IL15: variants seen among roughly 807,000 people sequenced by gnomAD.
The protein encoded by IL15 is interleukin-15.
Under a neutral mutation model 19.6 loss-of-function variants are expected in IL15, and 11 were observed. The observed-to-expected ratio is 0.56, with a 90% CI of 0.35 to 0.93. The LOEUF is 0.93. Ranked by LOEUF, IL15 falls within the 40% of genes least tolerant of loss-of-function variation. The probability of loss-of-function intolerance (pLI) is 0.01; values close to 1 mark genes in which losing one functional copy is unlikely to be tolerated. For missense variants in IL15, 197 were observed against 186.5 expected (o/e 1.06, Z -0.33); for synonymous variants, 58 against 59.6 (o/e 0.97, Z 0.12).
At chr4:141,693,561 A>T (rs1390046697) in intron 2 of IL15, among the ~76,000 whole-genome samples, 2 of 152,202 alleles carry the variant, frequency 1.3e-5, no homozygotes, top group Admixed American at 1.3e-4. Context: ...TTGGTATATT[A>T]TCAATTTTTC....
chr4:141,696,209 T>C (rs1322906194), intron 2 of IL15, among the ~76,000 whole-genome samples: 1 of 152,130 alleles, frequency 6.6e-6, no homozygotes, highest in East Asian at 1.9e-4. Context: ...ACCCAATATA[T>C]ATTCTTGGCA....
At chr4:141,731,270 A>ATC (rs1201419236) in intron 7 of IL15, among the ~76,000 whole-genome samples, 3 of 152,082 alleles carry the variant, frequency 2.0e-5, no homozygotes, top group Non-Finnish European at 2.9e-5. Context: ...CGTGTCCCAT[A>ATC]TCTGGAATAT....
Position 141,720,558 on chromosome 4 carries a change from C to A in IL15, c.102C>A (p.Phe34Leu), listed in dbSNP as rs756217791. The A allele has an allele frequency of 7.9e-6, 12 of 1,515,022 alleles. No individual in the cohort carries two copies. In the Admixed American group the frequency reaches 1.0e-4, roughly 13 times the overall value. The allele number at this position is 1,515,022 out of a possible 1,614,324, so 93.8% of individuals were successfully genotyped here. ...TAACTGAAGCTGGCATTCATGTCTT[C>A]ATTTTGGGGTAATTTTATCTTTAGG... ...HFLTEAGIHVFILGCFSAGLP... is the reference protein window; with the variant it reads ...HFLTEAGIHVLILGCFSAGLP... Residue 34 changes from phenylalanine (F) to leucine (L), a missense_variant, in exon 4 of 8, where the codon TTC becomes TTA. Physicochemically the swap from Phe to Leu is conservative, Grantham distance 22. Coordinates refer to ENST00000320650, the MANE Select transcript of IL15 (RefSeq NM_000585.5).
chr4:141,650,377 G>A (rs1410566922), intron 1 of IL15, among the ~76,000 whole-genome samples: 1 of 152,020 alleles, frequency 6.6e-6, no homozygotes, highest in Admixed American at 6.6e-5. Context: ...TAGTAACTGC[G>A]CTTTAGATAT....
In IL15 at chr4:141,644,499, G is replaced by A. The variant is rs1015075785; in HGVS notation, c.-222+7751G>A. On this transcript the variant is annotated intron_variant, in intron 1 of 7. Transcript: ENST00000320650. Reference sequence around the variant, plus strand: ...TGGCTGGCCAAGCATCCATCTCTCCGTATGTGACCCCTATACATGACTAAC... The same window carrying A: ...TGGCTGGCCAAGCATCCATCTCTCCATATGTGACCCCTATACATGACTAAC... Among the ~76,000 whole-genome samples, 11 of 152,096 alleles carry A rather than the reference G, an allele frequency of 7.2e-5. No homozygotes were observed. In the South Asian group the frequency reaches 1.2e-3, roughly 17 times the overall value.
intron 2 of IL15, among the ~76,000 whole-genome samples, chr4:141,665,494 G>T (rs1579001235): frequency 1.3e-5 from 2 of 152,056 alleles, no homozygotes; most frequent in African/African-American, 4.8e-5. Context: ...GATGTTTTTG[G>T]ATGAACTTAC....
In IL15 at chr4:141,732,976, A is replaced by G; in HGVS notation, c.*128A>G. 5.0e-6 allele frequency: 7 copies of G among 1,393,888 alleles called. No homozygotes were observed. The highest frequency in any genetic ancestry group is 6.6e-6 in the Non-Finnish European group (7 of 1,061,662). The allele number at this position is 1,393,888 out of a possible 1,614,324, so 86.3% of individuals were successfully genotyped here. A position where few individuals can be genotyped will look rare whatever the true frequency, so the allele number is the denominator to read the frequency against. On this transcript the variant is annotated 3_prime_UTR_variant, in exon 8 of 8. Transcript: ENST00000320650. ...GTTTTTCTGTCAAGAAGATGATCAG[A>G]CCTTGGATCAGATGAACTCTTAGAA...
chr4:141,646,897 C>A (rs764153262), intron 1 of IL15, among the ~76,000 whole-genome samples: 12 of 152,024 alleles, frequency 7.9e-5, no homozygotes, highest in South Asian at 2.1e-4. Context: ...ATATTCCCAT[C>A]ACCTATTAGT....
chr4:141,644,917 G>A (rs17007473), intron 1 of IL15, among the ~76,000 whole-genome samples: 1 of 152,104 alleles, frequency 6.6e-6, no homozygotes, highest in East Asian at 1.9e-4. Flanking sequence ...GTTTAAATTT[G>A]TTCCCTAGGA....
At chr4:141,688,323 T>TG (rs1728775718) in intron 2 of IL15, among the ~76,000 whole-genome samples, 1 of 152,202 alleles carries the variant, frequency 6.6e-6, no homozygotes, top group East Asian at 1.9e-4. Flanking sequence ...TAGAGACCAC[T>TG]ACCTGAAGCA....
Position 141,732,924 on chromosome 4 carries a change from G to A in IL15, c.*76G>A, listed in dbSNP as rs563297740. 75 of 1,529,820 alleles carry A rather than the reference G, an allele frequency of 4.9e-5. No homozygotes were observed. The highest frequency in any genetic ancestry group is 1.8e-4 in the Middle Eastern group (1 of 5,660). The allele number at this position is 1,529,820 out of a possible 1,614,324, so 94.8% of individuals were successfully genotyped here. On this transcript the variant is annotated 3_prime_UTR_variant, in exon 8 of 8. Transcript: ENST00000320650. Reference sequence around the variant, plus strand: ...GCTGCTTAGACATAACAAAACACTCGGCATTTCAAATGTGCTGTCAAAACA... The same window carrying A: ...GCTGCTTAGACATAACAAAACACTCAGCATTTCAAATGTGCTGTCAAAACA...
At chr4:141,695,425 CTAAA>C (rs1729060682) in intron 2 of IL15, among the ~76,000 whole-genome samples, 2 of 151,850 alleles carry the variant, frequency 1.3e-5, no homozygotes, top group Admixed American at 6.6e-5. Context: ...CTTTTTATGA[CTAAA>C]TAGCATTCCA....
Position 141,733,154 on chromosome 4 carries a change from A to G in IL15, c.*306A>G, listed in dbSNP as rs1348407439. On this transcript the variant is annotated 3_prime_UTR_variant, in exon 8 of 8. Transcript: ENST00000320650. ...AAATATGTACAAGTGTTGTTTTTTAAGTTGCACTGATATTTTACCTCTTAT... is the reference window on the plus strand; with the variant it reads ...AAATATGTACAAGTGTTGTTTTTTAGGTTGCACTGATATTTTACCTCTTAT... 8.7e-6 allele frequency: 2 copies of G among 228,788 alleles called. No individual in the cohort carries two copies. Among genetic ancestry groups the G allele is most frequent in the Admixed American group, 6.0e-5 (1 of 16,654 alleles). 14.2% of individuals were successfully genotyped at this position (228,788 alleles called of 1,614,324 possible). A position where few individuals can be genotyped will look rare whatever the true frequency, so the allele number is the denominator to read the frequency against.
At chr4:141,708,504 A>G (rs1035452617) in intron 2 of IL15, among the ~76,000 whole-genome samples, 3 of 152,078 alleles carry the variant, frequency 2.0e-5, no homozygotes, top group Non-Finnish European at 4.4e-5. Flanking sequence ...CTAATCTCCA[A>G]ACTGGATTCA....
intron 6 of IL15, 80 bp downstream of exon 6, chr4:141,728,064 A>G (rs1730327925): frequency 2.9e-6 from 2 of 699,736 alleles, no homozygotes; most frequent in Non-Finnish European, 4.9e-6. Flanking sequence ...CAACTAAAAT[A>G]TGGTAGTTTT....
intron 2 of IL15, among the ~76,000 whole-genome samples, chr4:141,696,655 T>A (rs1311615238): frequency 6.6e-6 from 1 of 152,058 alleles, no homozygotes; most frequent in Non-Finnish European, 1.5e-5. Context: ...TCTATTTTTA[T>A]TTCAATAGAT....
chr4:141,712,331 T>C (rs557119785), intron 2 of IL15, among the ~76,000 whole-genome samples: 63 of 152,220 alleles, frequency 4.1e-4, no homozygotes, highest in Middle Eastern at 6.8e-3. Flanking sequence ...GTTAAATATA[T>C]TTTTGCTGCC....
chr4:141,711,193 T>C (rs1729706970), intron 2 of IL15, among the ~76,000 whole-genome samples: 1 of 152,142 alleles, frequency 6.6e-6, no homozygotes, highest in Non-Finnish European at 1.5e-5. Context: ...TATTTAAAAG[T>C]ATGGTACAGA....
At chr4:141,717,110 T>C (rs1729912514) in intron 2 of IL15, 1 of 152,186 alleles carries the variant, frequency 6.6e-6, no homozygotes, top group Non-Finnish European at 1.5e-5. Flanking sequence ...ATTAACTAGA[T>C]TTAGATAAGT....
Sources: allele counts gnomAD v4.1 joint callset (sites outside exome capture counted in the v4.1 genomes callset), GRCh38; gene constraint gnomAD v4.1.1; transcripts MANE v1.5; gene names NCBI Gene and HGNC (gene_info 2026-07-23, HGNC 2026-07-21).